Variants in SGCD observed in about 807,000 individuals in gnomAD.
SGCD encodes the protein delta-sarcoglycan.
In SGCD, 18 loss-of-function variants were observed where a neutral mutation model predicts 36.6. The ratio of observed to expected loss-of-function variants is 0.49; its 90% CI spans 0.34 to 0.73. The LOEUF is 0.73. Ranked by LOEUF, SGCD falls within the 30% of genes least tolerant of loss-of-function variation. The pLI is 0.01. For missense variants in SGCD, 387 were observed against 346.7 expected, an observed-to-expected ratio of 1.12 and a Z score of -0.92; for synonymous variants, 133 against 130.6, an observed-to-expected ratio of 1.02 and a Z score of -0.12.
At chr5:155,921,107 G>A (rs1040368428) in intron 1 of SGCD, among the ~76,000 whole-genome samples, 2 of 152,188 alleles carry the variant, frequency 1.3e-5, no homozygotes, top group Non-Finnish European at 1.5e-5. Flanking sequence ...GTCTAAGGAG[G>A]TTGGAATCTC....
chr5:156,652,473 G>C (rs1367948306), intron 7 of SGCD, among the ~76,000 whole-genome samples: 1 of 152,082 alleles, frequency 6.6e-6, no homozygotes, highest in Admixed American at 6.6e-5. Context: ...TGGTGGCAGA[G>C]CAGGACCCTA....
chr5:156,725,616 C>T (rs1366989504), intron 7 of SGCD, among the ~76,000 whole-genome samples: 2 of 152,108 alleles, frequency 1.3e-5, no homozygotes, highest in African/African-American at 2.4e-5. Flanking sequence ...ACAAAATAGC[C>T]ACCCCAACCC....
At chr5:155,868,639 A>T (rs529697966), upstream of SGCD, among the ~76,000 whole-genome samples, 4 of 152,244 alleles carry the variant, frequency 2.6e-5, no homozygotes, top group South Asian at 8.3e-4. Context: ...ACCAGTCTGT[A>T]TATGGGAGAG....
At chr5:156,757,822 G>A in intron 8 of SGCD, 118 bp downstream of exon 8, 1 of 1,364,404 alleles carries the variant, frequency 7.3e-7, no homozygotes, top group Non-Finnish European at 9.5e-7. Context: ...GAGCCAAGCA[G>A]GTTTTATTTC....
chr5:155,837,155 ATTAT>A, the SGCD span, among the ~76,000 whole-genome samples: 3 of 151,960 alleles, frequency 2.0e-5, no homozygotes, highest in Admixed American at 6.6e-5. Context: ...TTAAATTTTT[ATTAT>A]TTATTTATTT....
intron 3 of SGCD, among the ~76,000 whole-genome samples, chr5:156,455,294 G>A (rs1224689973): frequency 6.6e-6 from 1 of 152,090 alleles, no homozygotes; most frequent in African/African-American, 2.4e-5. Context: ...AAGGACGCAG[G>A]GTCCCTGGCT....
intron 7 of SGCD, among the ~76,000 whole-genome samples, chr5:156,742,336 A>G (rs559915572): frequency 1.2e-4 from 19 of 152,088 alleles, no homozygotes; most frequent in African/African-American, 4.3e-4. Flanking sequence ...AAGTCGACAT[A>G]TTTCAAACAA....
At chr5:155,890,604 T>C (rs1756102418) in intron 1 of SGCD, among the ~76,000 whole-genome samples, 1 of 150,926 alleles carries the variant, frequency 6.6e-6, no homozygotes, top group African/African-American at 2.4e-5. Context: ...ATACCCTGTT[T>C]CTAAATAGAT....
At chr5:156,414,962 A>G (rs1772948881) in intron 3 of SGCD, among the ~76,000 whole-genome samples, 1 of 152,230 alleles carries the variant, frequency 6.6e-6, no homozygotes, top group African/African-American at 2.4e-5. Flanking sequence ...ATATTTAACT[A>G]TATTTTTATT....
the SGCD span, among the ~76,000 whole-genome samples, chr5:155,766,769 A>G: frequency 1.3e-5 from 2 of 152,148 alleles, no homozygotes; most frequent in Non-Finnish European, 2.9e-5. Flanking sequence ...AGTTGTCACC[A>G]TTTTACAGAT....
chr5:156,381,804 G>A (rs933909066), intron 3 of SGCD, among the ~76,000 whole-genome samples: 1 of 152,078 alleles, frequency 6.6e-6, no homozygotes, highest in Admixed American at 6.6e-5. Context: ...CAAAGCTGGG[G>A]TTCAGCTCCA....
chr5:156,144,308 G>A (rs13358593), intron 3 of SGCD, among the ~76,000 whole-genome samples: 7,097 of 151,834 alleles, frequency 0.047, 552 homozygotes, highest in African/African-American at 0.16. Flanking sequence ...CTGAGGAATC[G>A]CCACACTGAC....
At chr5:155,840,571 G>A in the SGCD span, among the ~76,000 whole-genome samples, 1 of 144,632 alleles carries the variant, frequency 6.9e-6, no homozygotes, top group African/African-American at 2.6e-5. Flanking sequence ...TTACAGGCGT[G>A]AGCCACTGCA....
intron 3 of SGCD, among the ~76,000 whole-genome samples, chr5:156,463,301 C>T (rs928414436): frequency 1.3e-5 from 2 of 152,208 alleles, no homozygotes; most frequent in African/African-American, 4.8e-5. Flanking sequence ...CTTGGCCTCC[C>T]CAAGTGCTGG....
At chr5:156,113,365 A>G (rs1161138338) in intron 1 of SGCD, among the ~76,000 whole-genome samples, 1 of 152,140 alleles carries the variant, frequency 6.6e-6, no homozygotes, top group Non-Finnish European at 1.5e-5. Context: ...CACACATTGA[A>G]TGAGAACATA....
intron 1 of SGCD, among the ~76,000 whole-genome samples, chr5:155,888,087 A>T (rs1756047383): frequency 6.6e-6 from 1 of 152,220 alleles, no homozygotes; most frequent in African/African-American, 2.4e-5. Context: ...TTCTGCAACC[A>T]AATTCAGTCT....
chr5:155,928,431 G>A (rs1029865365), intron 1 of SGCD, among the ~76,000 whole-genome samples: 1 of 152,016 alleles, frequency 6.6e-6, no homozygotes, highest in African/African-American at 2.4e-5. Context: ...ACTTTGGGAG[G>A]CCAGGGTGGG....
chr5:156,612,039 G>T (rs1466996439), intron 6 of SGCD, among the ~76,000 whole-genome samples: 1 of 152,150 alleles, frequency 6.6e-6, no homozygotes, highest in African/African-American at 2.4e-5. Context: ...CTAAGCTCAT[G>T]ATTTTGAATT....
chr5:156,689,144 A>G (rs1386789055), intron 7 of SGCD, among the ~76,000 whole-genome samples: 4 of 152,230 alleles, frequency 2.6e-5, no homozygotes, highest in Admixed American at 6.5e-5. Context: ...TTAATTTCTT[A>G]GTTTTGACAA....
Sources: gnomAD v4.1 joint callset for allele counts (sites outside exome capture counted in the v4.1 genomes callset) on GRCh38, gnomAD v4.1.1 for gene constraint, MANE v1.5 for transcripts, NCBI Gene and HGNC (gene_info 2026-07-23, HGNC 2026-07-21) for gene names.